The following TONSL variants were observed in gnomAD, a reference collection of about 807,000 sequenced individuals.
TONSL encodes the protein tonsoku like, DNA repair protein, also known as tonsoku-like protein.
TONSL carries 112 observed loss-of-function variants against 147.1 expected under a neutral mutation model. The ratio of observed to expected loss-of-function variants is 0.76; its 90% confidence interval spans 0.65 to 0.89. The LOEUF is 0.89. TONSL is among the 40% of genes least tolerant of loss of function. The probability of loss-of-function intolerance (pLI) is 0.00; values close to 1 mark genes in which losing one functional copy is unlikely to be tolerated. For missense variants in TONSL, 1,883 were observed against 1,864.6 expected (o/e 1.01, Z -0.18); for synonymous variants, 868 against 801.5 (o/e 1.08, Z -1.40).
rs772291883 is a variant in TONSL at position 144,435,766 on chromosome 8, C to A, written c.2667G>T (p.Ala889=). 1 of 1,612,872 alleles carries A rather than the reference C, an allele frequency of 6.2e-7. No individual in the cohort carries two copies. The change falls in exon 17 of 26, where the codon GCG becomes GCT. Residue 889 remains alanine (A), a synonymous_variant. Coordinates refer to ENST00000409379, the MANE Select transcript of TONSL (RefSeq NM_013432.5). ...VRLTCMQSCS[A]PVNAGPSSLA... ...GGCTGCTGGGCCCTGCGTTAACTGG[C>A]GCACTGCAACTCTGCATGCAGGTCA...
intron 13 of TONSL, among the ~76,000 whole-genome samples, chr8:144,437,394 C>T (rs1823511204): frequency 6.6e-6 from 1 of 152,222 alleles, no homozygotes; most frequent in Admixed American, 6.5e-5. Context: ...GGAAGGTGCC[C>T]AGATCTCAGC....
At chr8:144,430,301 T>C in intron 25 of TONSL, 103 bp downstream of exon 25, 1 of 1,333,980 alleles carries the variant, frequency 7.5e-7, no homozygotes, top group Non-Finnish European at 9.9e-7. Flanking sequence ...CCTTGCTGCC[T>C]GGCTGGTAGC....
chr8:144,433,447 G>T, intron 22 of TONSL, 141 bp downstream of exon 22: 1 of 815,066 alleles, frequency 1.2e-6, no homozygotes. Flanking sequence ...TGGCTCAAGC[G>T]ATACTCCCGC....
chr8:144,435,404 C>G (rs905221271), intron 18 of TONSL, 70 bp downstream of exon 18: 25 of 1,387,030 alleles, frequency 1.8e-5, no homozygotes, highest in Non-Finnish European at 2.3e-5. Context: ...CCCACCCTGA[C>G]ATGCAAACAC....
At chr8:144,442,995 C>T (rs1364991215) in intron 4 of TONSL, 143 bp downstream of exon 4, 53 of 1,225,878 alleles carry the variant, frequency 4.3e-5, no homozygotes, top group Non-Finnish European at 5.2e-5. Flanking sequence ...AAAGGTTGAG[C>T]GGGGCATGCA....
At chr8:144,441,977 C>G in intron 7 of TONSL, 60 bp downstream of exon 7, 1 of 1,501,118 alleles carries the variant, frequency 6.7e-7, no homozygotes, top group Non-Finnish European at 9.2e-7. Flanking sequence ...GACTCCACCC[C>G]GCCCCCAGGC....
At chr8:144,438,361 C>G in intron 13 of TONSL, 110 bp downstream of exon 13, 6 of 1,206,360 alleles carry the variant, frequency 5.0e-6, no homozygotes, top group Non-Finnish European at 7.0e-6. Context: ...TGCTAAGGGG[C>G]CCCATTTTGA....
In TONSL at chr8:144,440,771, C is replaced by T. The variant is rs756708524; in HGVS notation, c.1111G>A (p.Ala371Thr). The T allele has an allele frequency of 1.2e-6, 2 of 1,612,938 alleles. No individual in the cohort carries two copies. The highest frequency in any genetic ancestry group is 1.7e-6 in the Non-Finnish European group (2 of 1,179,996). ...AGTTCCTCCTCATAGTGGCGCACGG[C>T]CCCATGGTGGTCCTTCATGTCTCCC... is the stretch of plus-strand genomic sequence containing the variant. ...TLGDMKDHHG[A>T]VRHYEEELRL... Residue 371 changes from alanine (A) to threonine (T), a missense_variant, in exon 9 of 26, where the codon GCC becomes ACC. Transcript: ENST00000409379.
chr8:144,428,795 T>TTA lies in TONSL; in HGVS notation c.*347_*348insTA, dbSNP rs1554877745. The TTA allele has an allele frequency of 1.9e-4, 25 of 130,724 alleles. No homozygotes were observed. In the East Asian group the frequency reaches 3.2e-3, roughly 17 times the overall value. The allele number at this position is 130,724 out of a possible 1,614,324, so 8.1% of individuals were successfully genotyped here. A position where few individuals can be genotyped will look rare whatever the true frequency, so the allele number is the denominator to read the frequency against. ...AGGCAGCAGCTTCATTTATTTTATT[T>TTA]TTTTTTTTTTTTGAGACGGAGTCTC... On this transcript the variant is annotated 3_prime_UTR_variant, in exon 26 of 26. Transcript: ENST00000409379.
At chr8:144,443,832 G>C (rs932053976) in intron 3 of TONSL, 50 bp downstream of exon 3, 16 of 1,536,686 alleles carry the variant, frequency 1.0e-5, no homozygotes, top group Non-Finnish European at 1.3e-5. Flanking sequence ...CCTCAGAAAA[G>C]GGCTCCAGAG....
At chr8:144,434,712 A>C in intron 20 of TONSL, 99 bp downstream of exon 20, 1 of 1,406,166 alleles carries the variant, frequency 7.1e-7, no homozygotes, top group Non-Finnish European at 9.6e-7. Context: ...GTGCACCCCA[A>C]AACACCCGAG....
Position 144,440,746 on chromosome 8 carries a change from A to C in TONSL, c.1136T>G (p.Leu379Arg), listed in dbSNP as rs754059237. The C allele has an allele frequency of 1.9e-6, 3 of 1,612,856 alleles. No individual in the cohort carries two copies. The highest frequency in any genetic ancestry group is 2.2e-5 in the South Asian group (2 of 91,088). ...CAGCACGTTGCCGCTGCGCAGCCTC[A>C]GTTCCTCCTCATAGTGGCGCACGGC... ...HGAVRHYEEE[L>R]RLRSGNVLEE... The change falls in exon 9 of 26, where the codon CTG (leucine) becomes CGG (arginine). Residue 379 changes from leucine (L) to arginine (R), a missense_variant. Coordinates refer to ENST00000409379, the MANE Select transcript of TONSL (RefSeq NM_013432.5).
rs1013593821 is a variant in TONSL at position 144,435,111 on chromosome 8, G to T, written c.2912C>A (p.Thr971Asn). 6.3e-7 allele frequency: 1 copy of T among 1,598,196 alleles called. No individual in the cohort carries two copies. The change falls in exon 19 of 26, where the codon ACC becomes AAC. Residue 971 changes from threonine (T) to asparagine (N), a missense_variant. Physicochemically the swap from Thr to Asn is moderately conservative, Grantham distance 65. Coordinates refer to ENST00000409379, the MANE Select transcript of TONSL (RefSeq NM_013432.5). ...AEQAAQRYYQ[T>N]CGLLPRLTLR... ...GGTGAGCCTGGGCAGCAGCCCGCAG[G>T]TCTGGTAGTAGCGCTGGGCCGCCTG...
chr8:144,435,137 C>T lies in TONSL; in HGVS notation c.2886G>A (p.Glu962=). ...SDTHSVAWLA[E]QAAQRYYQTC... is the part of the protein sequence containing the mutation. ...TCTGGTAGTAGCGCTGGGCCGCCTG[C>T]TCGGCCAGCCAGGCCACAGAGTGGG... The change falls in exon 19 of 26, where the codon GAG becomes GAA. Residue 962 remains glutamate, a synonymous_variant. Coordinates refer to ENST00000409379, the MANE Select transcript of TONSL (RefSeq NM_013432.5). 1 of 1,571,914 alleles carries T rather than the reference C, an allele frequency of 6.4e-7. No homozygotes were observed. The highest frequency in any genetic ancestry group is 8.6e-7 in the Non-Finnish European group (1 of 1,159,502).
At chr8:144,432,216 C>G in intron 23 of TONSL, 69 bp downstream of exon 23, 1 of 1,522,214 alleles carries the variant, frequency 6.6e-7, no homozygotes, top group Non-Finnish European at 9.0e-7. Context: ...GAGGCGAGCT[C>G]CTCCCAGCAA....
chr8:144,442,020 C>G lies in TONSL; in HGVS notation c.865+17G>C, dbSNP rs1311682078. On this transcript the variant is annotated intron_variant, in intron 7 of 25. Transcript: ENST00000409379. Reference sequence around the variant, plus strand: ...TGCACACACCTCCCAGGGCCCCATTCGCACCCCCAGGCTCACCATGCTGGA... The same window carrying G: ...TGCACACACCTCCCAGGGCCCCATTGGCACCCCCAGGCTCACCATGCTGGA... 11 of 1,608,564 alleles carry G rather than the reference C, an allele frequency of 6.8e-6. No homozygotes were observed. Among genetic ancestry groups the G allele is most frequent in the Middle Eastern group, 1.8e-4 (1 of 5,582 alleles).
In TONSL at chr8:144,430,536, A is replaced by G; in HGVS notation, c.3811T>C (p.Cys1271Arg). Reference sequence around the variant, plus strand: ...ATGAGTGAGGGGCACAGAGAGAGACATCTGAGATAACATGGGAAGAAGTGC... The same window carrying G: ...ATGAGTGAGGGGCACAGAGAGAGACGTCTGAGATAACATGGGAAGAAGTGC... ...GDKAVRDLCR[C>R]LSLCPSLISL... The change falls in exon 25 of 26, where the codon TGT becomes CGT. Residue 1271 changes from cysteine to arginine, a missense_variant and splice_region_variant. Physicochemically the swap from Cys to Arg is radical, Grantham distance 180. Transcript: ENST00000409379. 6.2e-7 allele frequency: 1 copy of G among 1,608,508 alleles called. No homozygotes were observed. The highest frequency in any genetic ancestry group is 8.5e-7 in the Non-Finnish European group (1 of 1,177,484).
intron 25 of TONSL, 152 bp from the exon 26 acceptor site, chr8:144,429,488 T>G: frequency 1.5e-6 from 1 of 656,748 alleles, no homozygotes; most frequent in South Asian, 4.0e-5. Context: ...GCCCCATGAC[T>G]CTCCAGGAAG....
At chr8:144,438,201 T>C (rs1011212) in intron 13 of TONSL, 273,581 of 530,664 alleles carry the variant, frequency 0.52, 71,703 homozygotes, top group Middle Eastern at 0.62. Context: ...CCGTGCAGCC[T>C]CCGCTTTTTA....
Sources: allele counts gnomAD v4.1 joint callset (sites outside exome capture counted in the v4.1 genomes callset), GRCh38; gene constraint gnomAD v4.1.1; transcripts MANE v1.5; gene names NCBI Gene and HGNC (gene_info 2026-07-23, HGNC 2026-07-21).